The following NKAIN2 variants were observed in gnomAD, a reference collection of about 807,000 sequenced individuals.
NKAIN2 encodes the protein sodium/potassium transporting ATPase interacting 2.
A neutral mutation model predicts 32.6 loss-of-function variants in NKAIN2; 14 were observed. The observed-to-expected ratio is 0.43, with a 90% CI of 0.28 to 0.67. The LOEUF (loss-of-function observed/expected upper bound fraction) is 0.67, where lower values mean the gene tolerates loss of function less well. Ranked by LOEUF, NKAIN2 falls within the 30% of genes least tolerant of loss-of-function variation. The probability of loss-of-function intolerance (pLI) is 0.17; values close to 1 mark genes in which losing one functional copy is unlikely to be tolerated. For missense variants in NKAIN2, 198 were observed against 258.3 expected (o/e 0.77, Z 1.60); for synonymous variants, 80 against 87.2 (o/e 0.92, Z 0.46).
chr6:124,570,073 G>T (rs144195340), intron 3 of NKAIN2, among the ~76,000 whole-genome samples: 1 of 152,150 alleles, frequency 6.6e-6, no homozygotes, highest in African/African-American at 2.4e-5. Context: ...GAGACAGGTG[G>T]CAATTTAGCC....
At chr6:124,636,182 T>A (rs981717107) in intron 3 of NKAIN2, among the ~76,000 whole-genome samples, 1 of 151,590 alleles carries the variant, frequency 6.6e-6, no homozygotes, top group African/African-American at 2.4e-5. Context: ...CTGAACAACA[T>A]TTTGCTGAAT....
intron 4 of NKAIN2, among the ~76,000 whole-genome samples, chr6:124,770,343 C>G (rs1248170585): frequency 6.6e-6 from 1 of 152,142 alleles, no homozygotes; most frequent in African/African-American, 2.4e-5. Flanking sequence ...AGTCTCCATT[C>G]ACACCCTTAC....
chr6:124,458,383 T>C (rs535975755), intron 3 of NKAIN2, among the ~76,000 whole-genome samples: 4 of 152,036 alleles, frequency 2.6e-5, no homozygotes, highest in African/African-American at 9.6e-5. Context: ...AACTATACTA[T>C]TGTTTTGTAC....
chr6:124,501,824 A>G (rs557371859), intron 3 of NKAIN2, among the ~76,000 whole-genome samples: 13 of 152,110 alleles, frequency 8.5e-5, no homozygotes, highest in South Asian at 6.2e-4. Context: ...TTATGGTAAT[A>G]TTCTCCTTCC....
rs57329344 is a variant in NKAIN2 at position 124,584,708 on chromosome 6, G to A, written c.274-73478G>A. ...ATGGTAAACAGGCATATGAAAAGGT[G>A]TTGAACATCACTGATCATCAGAGAA... On this transcript the variant is annotated intron_variant, in intron 3 of 6. Coordinates refer to ENST00000368417, the MANE Select transcript of NKAIN2 (RefSeq NM_001040214.3). Among the ~76,000 whole-genome samples the A allele has an allele frequency of 8.2e-3, 1,234 of 150,422 alleles. 20 individuals carry two copies. Among genetic ancestry groups the A allele is most frequent in the African/African-American group, 0.029 (1,183 of 41,174 alleles).
At chr6:123,863,235 T>G (rs556786924) in intron 1 of NKAIN2, among the ~76,000 whole-genome samples, 1 of 152,322 alleles carries the variant, frequency 6.6e-6, no homozygotes, top group African/African-American at 2.4e-5. Flanking sequence ...GATTTTAGTT[T>G]TATAACTGGA....
chr6:123,933,912 T>C (rs1015113257), intron 1 of NKAIN2, among the ~76,000 whole-genome samples: 1 of 152,216 alleles, frequency 6.6e-6, no homozygotes, highest in Admixed American at 6.5e-5. Context: ...GATAAAATTA[T>C]TAAGAATTTC....
chr6:124,427,568 C>A (rs1775035058), intron 3 of NKAIN2, among the ~76,000 whole-genome samples: 1 of 152,162 alleles, frequency 6.6e-6, no homozygotes, highest in South Asian at 2.1e-4. Context: ...GACTTTTCAG[C>A]AAATCATTGA....
intron 3 of NKAIN2, among the ~76,000 whole-genome samples, chr6:124,469,675 A>G (rs1562204506): frequency 6.6e-6 from 1 of 152,178 alleles, no homozygotes; most frequent in East Asian, 1.9e-4. Flanking sequence ...TAAACTCCCT[A>G]TAGGACTCAT....
At chr6:124,400,279 A>AT (rs568778130) in intron 3 of NKAIN2, among the ~76,000 whole-genome samples, 19 of 152,022 alleles carry the variant, frequency 1.2e-4, no homozygotes, top group Non-Finnish European at 2.1e-4. Flanking sequence ...TTGCCAATTG[A>AT]TTTTAGTACG....
intron 4 of NKAIN2, among the ~76,000 whole-genome samples, chr6:124,678,767 GTAACTTT>G (rs1773477601): frequency 6.6e-6 from 1 of 151,998 alleles, no homozygotes; most frequent in Non-Finnish European, 1.5e-5. Flanking sequence ...CATGTGCCTT[GTAACTTT>G]TGTTCGGATT....
At chr6:124,317,629 T>C (rs1207872243) in intron 2 of NKAIN2, among the ~76,000 whole-genome samples, 1 of 152,054 alleles carries the variant, frequency 6.6e-6, no homozygotes, top group Non-Finnish European at 1.5e-5. Context: ...CATTAACTTA[T>C]ATACTATTTT....
chr6:124,449,644 G>A (rs62437467), intron 3 of NKAIN2, among the ~76,000 whole-genome samples: 7,844 of 151,918 alleles, frequency 0.052, 291 homozygotes, highest in Non-Finnish European at 0.066. Flanking sequence ...ACAATTTTAC[G>A]TGCATACACA....
intron 1 of NKAIN2, among the ~76,000 whole-genome samples, chr6:123,978,745 TA>T (rs1778758152): frequency 1.3e-5 from 2 of 152,272 alleles, no homozygotes; most frequent in Non-Finnish European, 2.9e-5. Context: ...TATATCTTGT[TA>T]AGGCTTATTT....
chr6:124,514,378 C>T (rs1778827370), intron 3 of NKAIN2, among the ~76,000 whole-genome samples: 1 of 152,144 alleles, frequency 6.6e-6, no homozygotes, highest in Non-Finnish European at 1.5e-5. Context: ...TGAGATCTAT[C>T]CCCAAATCCC....
At chr6:124,306,149 T>G (rs1385618191) in intron 2 of NKAIN2, among the ~76,000 whole-genome samples, 1 of 152,182 alleles carries the variant, frequency 6.6e-6, no homozygotes, top group Non-Finnish European at 1.5e-5. Context: ...TGGTATCTTT[T>G]TAGCCTTCTA....
chr6:123,879,942 G>T (rs1224627414), intron 1 of NKAIN2, among the ~76,000 whole-genome samples: 1 of 152,162 alleles, frequency 6.6e-6, no homozygotes, highest in Non-Finnish European at 1.5e-5. Flanking sequence ...CTGAGCTCAT[G>T]TTCTCCCTGG....
intron 3 of NKAIN2, among the ~76,000 whole-genome samples, chr6:124,473,937 T>A (rs1239077068): frequency 6.6e-6 from 1 of 152,150 alleles, no homozygotes; most frequent in African/African-American, 2.4e-5. Context: ...AATAAAAGAA[T>A]ATTATTCAGG....
chr6:124,332,305 A>C (rs1797697075), intron 2 of NKAIN2, among the ~76,000 whole-genome samples: 2 of 152,120 alleles, frequency 1.3e-5, no homozygotes, highest in Admixed American at 1.3e-4. Flanking sequence ...ATGGATAGTG[A>C]AACATAACTA....
Sources: allele counts gnomAD v4.1 joint callset (sites outside exome capture counted in the v4.1 genomes callset), GRCh38; gene constraint gnomAD v4.1.1; transcripts MANE v1.5; gene names NCBI Gene and HGNC (gene_info 2026-07-23, HGNC 2026-07-21).